PCCA: variants seen among roughly 807,000 people sequenced by gnomAD.
PCCA encodes propionyl-CoA carboxylase alpha chain, mitochondrial.
Under a neutral mutation model 101.3 loss-of-function variants are expected in PCCA, and 74 were observed. That is an observed-to-expected ratio of 0.73 (90% CI 0.61 to 0.89). The LOEUF (loss-of-function observed/expected upper bound fraction) is 0.89, where lower values mean the gene tolerates loss of function less well. Among genes scored for constraint, PCCA ranks in the 40% least tolerant of loss-of-function variants. PCCA has a pLI of 0.00. For synonymous variants in PCCA, 294 were observed against 313.6 expected (o/e 0.94, Z 0.66); for missense variants, 891 against 907.0 (o/e 0.98, Z 0.23).
chr13:100,450,473 A>T (rs993869726), intron 21 of PCCA, among the ~76,000 whole-genome samples: 1 of 151,930 alleles, frequency 6.6e-6, no homozygotes, highest in African/African-American at 2.4e-5. Context: ...CCATGTATTC[A>T]TTCACCAGAT....
intron 12 of PCCA, among the ~76,000 whole-genome samples, chr13:100,287,136 C>T (rs2064739485): frequency 1.3e-5 from 2 of 152,210 alleles, no homozygotes; most frequent in Admixed American, 6.5e-5. Context: ...ATCTACATTA[C>T]ATACTGAAAT....
chr13:100,304,724 ATTGT>A (rs1322180124), intron 14 of PCCA, among the ~76,000 whole-genome samples: 2 of 152,088 alleles, frequency 1.3e-5, no homozygotes, highest in Non-Finnish European at 2.9e-5. Context: ...TGTGGTTGTT[ATTGT>A]TTGTTTTTCT....
intron 21 of PCCA, among the ~76,000 whole-genome samples, chr13:100,513,250 A>T (rs925629898): frequency 2.0e-5 from 3 of 152,242 alleles, no homozygotes; most frequent in African/African-American, 7.2e-5. Context: ...TATATTCAGA[A>T]AGGTCATTTC....
At chr13:100,098,836 A>T (rs965946246) in intron 1 of PCCA, among the ~76,000 whole-genome samples, 7 of 152,300 alleles carry the variant, frequency 4.6e-5, no homozygotes, top group African/African-American at 1.7e-4. Context: ...GAAGATTGGA[A>T]TGGTCTCTAA....
intron 22 of PCCA, 121 bp from the exon 23 acceptor site, chr13:100,527,554 G>A: frequency 2.7e-6 from 2 of 733,744 alleles, no homozygotes; most frequent in Non-Finnish European, 5.0e-6. Flanking sequence ...AGAGATTGTT[G>A]CTGCTGTTCA....
rs137891913 is a variant in PCCA at position 100,257,427 on chromosome 13, A to G, written c.638-168A>G. The stretch of plus-strand genomic sequence containing the variant: ...CACACTCTCATTTTTTAAATACATC[A>G]TTACACTGGTGTTACTTTCCTGGTG... On this transcript the variant is annotated intron_variant, in intron 8 of 23. Coordinates refer to ENST00000376285, the MANE Select transcript of PCCA (RefSeq NM_000282.4). Among the ~76,000 whole-genome samples, 356 of 152,208 alleles carry G rather than the reference A, an allele frequency of 2.3e-3. 3 individuals carry two copies. Among genetic ancestry groups the G allele is most frequent in the African/African-American group, 8.3e-3 (345 of 41,550 alleles).
intron 4 of PCCA, chr13:100,150,944 A>G (rs982177218): frequency 1.3e-6 from 2 of 1,527,802 alleles, no homozygotes; most frequent in African/African-American, 2.7e-5. Flanking sequence ...CTCGCAGCCC[A>G]GTCAGCGCGC....
intron 12 of PCCA, among the ~76,000 whole-genome samples, chr13:100,293,846 T>C (rs1054479799): frequency 6.6e-6 from 1 of 152,188 alleles, no homozygotes; most frequent in African/African-American, 2.4e-5. Context: ...TATACAGATA[T>C]GTATAGATAA....
chr13:100,461,226 A>G (rs2082142592), intron 21 of PCCA, among the ~76,000 whole-genome samples: 1 of 152,188 alleles, frequency 6.6e-6, no homozygotes, highest in Non-Finnish European at 1.5e-5. Flanking sequence ...GTAGTCTCTT[A>G]ATTGATTCGT....
intron 6 of PCCA, among the ~76,000 whole-genome samples, chr13:100,186,330 T>G (rs972836214): frequency 2.6e-5 from 4 of 152,252 alleles, no homozygotes; most frequent in African/African-American, 9.6e-5. Context: ...GTCTGTGTTG[T>G]CCATAAGCAC....
At chr13:100,411,546 G>C (rs1335723927) in intron 19 of PCCA, among the ~76,000 whole-genome samples, 1 of 152,180 alleles carries the variant, frequency 6.6e-6, no homozygotes, top group Non-Finnish European at 1.5e-5. Flanking sequence ...TCTATGCCCT[G>C]CAAGTCTGGA....
At chr13:100,179,884 G>A (rs2056631048) in intron 6 of PCCA, among the ~76,000 whole-genome samples, 1 of 152,094 alleles carries the variant, frequency 6.6e-6, no homozygotes, top group African/African-American at 2.4e-5. Flanking sequence ...CAGGCAGAGG[G>A]AATAGCAGGT....
rs1595861502 is a variant in PCCA, at chr13:100,425,914, T to C, written c.1845+183T>C. ...GATCTTAAGTTTTAACCTGAGCATT[T>C]AATGTTTTCTTTTTTCAGACAATCC... On this transcript the variant is annotated intron_variant, in intron 20 of 23. Transcript: ENST00000376285. Among the ~76,000 whole-genome samples the C allele has an allele frequency of 2.0e-5, 3 of 152,360 alleles. No individual in the cohort carries two copies. In the South Asian group the frequency reaches 6.2e-4, roughly 32 times the overall value.
chr13:100,375,779 A>T (rs1351295671), intron 19 of PCCA, among the ~76,000 whole-genome samples: 3 of 152,226 alleles, frequency 2.0e-5, no homozygotes, highest in African/African-American at 7.2e-5. Flanking sequence ...ACAGGATCAA[A>T]TTCACACATA....
intron 7 of PCCA, among the ~76,000 whole-genome samples, chr13:100,224,099 GGGC>G (rs1179333310): frequency 1.3e-5 from 2 of 152,242 alleles, no homozygotes; most frequent in African/African-American, 4.8e-5. Context: ...GTGGAGCAGG[GGGC>G]GGCGCACATC....
rs1440616457 is a variant in PCCA, at chr13:100,385,263, TAA to T, written c.1746+16690_1746+16691del. ...TCCATTTGAAAAATTATTAGGATAA[TAA>T]GTCAAGATAATGCTTAAAAATGTAA... is the stretch of plus-strand genomic sequence containing the variant. On this transcript the variant is annotated intron_variant, in intron 19 of 23. Coordinates refer to ENST00000376285, the MANE Select transcript of PCCA (RefSeq NM_000282.4). Among the ~76,000 whole-genome samples, 7 of 152,302 alleles carry T rather than the reference TAA, an allele frequency of 4.6e-5. No homozygotes were observed. In the East Asian group the frequency reaches 1.2e-3, roughly 25 times the overall value.
intron 19 of PCCA, among the ~76,000 whole-genome samples, chr13:100,421,080 G>A (rs1420975338): frequency 4.6e-5 from 7 of 152,114 alleles, no homozygotes; most frequent in South Asian, 2.1e-4. Context: ...GGTGGCAGGC[G>A]CCTGTAATTC....
At chr13:100,106,359 A>G (rs910355678) in intron 2 of PCCA, among the ~76,000 whole-genome samples, 1 of 152,142 alleles carries the variant, frequency 6.6e-6, no homozygotes, top group African/African-American at 2.4e-5. Flanking sequence ...ATTGGTGACC[A>G]CTGGTAATTA....
In PCCA at chr13:100,299,787, C is replaced by A. The variant is rs578026479; in HGVS notation, c.1066-1673C>A. ...CTGGAGTACAGTGGTGCAATCTCGG[C>A]TCACTACAGCCTTCTCCTGGGTTCC... On this transcript the variant is annotated intron_variant, in intron 12 of 23. Coordinates refer to ENST00000376285, the MANE Select transcript of PCCA (RefSeq NM_000282.4). Among the ~76,000 whole-genome samples, 10 of 152,262 alleles carry A rather than the reference C, an allele frequency of 6.6e-5. No homozygotes were observed. In the South Asian group the frequency reaches 2.1e-3, roughly 32 times the overall value.
Sources: allele counts gnomAD v4.1 joint callset (sites outside exome capture counted in the v4.1 genomes callset), GRCh38; gene constraint gnomAD v4.1.1; transcripts MANE v1.5; gene names NCBI Gene and HGNC (gene_info 2026-07-23, HGNC 2026-07-21).